Variants in GABRG1 observed in about 807,000 individuals in gnomAD.
The protein encoded by GABRG1 is gamma-aminobutyric acid type A receptor subunit gamma1.
In GABRG1, 49 loss-of-function variants were observed where a neutral mutation model predicts 49.8. That is an observed-to-expected ratio of 0.98 (90% CI 0.78 to 1.25). GABRG1 has a LOEUF of 1.25. Among genes scored for constraint, GABRG1 ranks in the 50% most tolerant of loss-of-function variants. The pLI is 0.00. For synonymous variants in GABRG1, 232 were observed against 185.1 expected (o/e 1.25, Z -2.06); for missense variants, 552 against 552.3 (o/e 1.00, Z 0.01).
At chr4:46,056,297 C>G (rs887300818) in intron 7 of GABRG1, among the ~76,000 whole-genome samples, 1 of 151,852 alleles carries the variant, frequency 6.6e-6, no homozygotes, top group South Asian at 2.1e-4. Context: ...ATTCATTCAG[C>G]TCCAACCACA....
At chr4:46,096,900 T>C (rs1720182495) in intron 2 of GABRG1, among the ~76,000 whole-genome samples, 1 of 151,810 alleles carries the variant, frequency 6.6e-6, no homozygotes, top group South Asian at 2.1e-4. Flanking sequence ...ATTCTGTATC[T>C]TATCTTTCAA....
chr4:46,042,877 TA>T (rs1717837134), intron 8 of GABRG1, among the ~76,000 whole-genome samples: 1 of 151,982 alleles, frequency 6.6e-6, no homozygotes, highest in South Asian at 2.1e-4. Context: ...AGTTCATGAT[TA>T]AACTTGCTTA....
intron 2 of GABRG1, among the ~76,000 whole-genome samples, chr4:46,089,669 A>T: frequency 6.6e-6 from 1 of 152,116 alleles, no homozygotes; most frequent in Non-Finnish European, 1.5e-5. Context: ...GTTGTTAAGA[A>T]GTAGGAAAAT....
chr4:46,064,380 T>C (rs1718827617), intron 5 of GABRG1, 61 bp downstream of exon 5: 1 of 896,460 alleles, frequency 1.1e-6, no homozygotes, highest in Admixed American at 2.8e-5. Flanking sequence ...TCTTTTCATT[T>C]TTAAATAAAC....
chr4:46,090,933 TACAC>T (rs34374380), intron 2 of GABRG1, among the ~76,000 whole-genome samples: 35 of 139,324 alleles, frequency 2.5e-4, no homozygotes, highest in African/African-American at 8.3e-4. Context: ...TTCCCTGGAA[TACAC>T]ACACACACAC....
intron 1 of GABRG1, among the ~76,000 whole-genome samples, chr4:46,114,729 A>G (rs1720832362): frequency 6.6e-6 from 1 of 151,060 alleles, no homozygotes; most frequent in Non-Finnish European, 1.5e-5. Context: ...ACATAACTAA[A>G]ACTATAACTG....
rs763936393 is a variant in GABRG1 at position 46,058,575 on chromosome 4, C to T, written c.673G>A (p.Val225Ile). The change falls in exon 6 of 9, where the codon GTA (valine) becomes ATA (isoleucine). Residue 225 changes from valine to isoleucine, a missense_variant. Physicochemically the swap from Val to Ile is conservative, Grantham distance 29. Transcript: ENST00000295452. ...EIEYKWKKPS[V>I]EVADPKYWRL... ...CAGTATTTAGGATCAGCCACTTCTACGGAGGGCTTTTTCCACTTATACTCA... is the reference window on the plus strand; with the variant it reads ...CAGTATTTAGGATCAGCCACTTCTATGGAGGGCTTTTTCCACTTATACTCA... 15 of 1,612,570 alleles carry T rather than the reference C, an allele frequency of 9.3e-6. No individual in the cohort carries two copies. The highest frequency in any genetic ancestry group is 1.6e-4 in the Middle Eastern group (1 of 6,076).
rs1720194658 is a variant in GABRG1 at position 46,097,223 on chromosome 4, A to G, written c.231T>C (p.Asn77=). ...TACCTCCTATATCTGGACGAAGTTT[A>G]TTGTCATAGCCTTGAAGCAATGAAT... ...ILNSLLQGYD[N]KLRPDIGVRP... is the part of the protein sequence containing the mutation. Residue 77 remains asparagine, a synonymous_variant, in exon 2 of 9, where the codon AAT becomes AAC. Transcript: ENST00000295452. The G allele has an allele frequency of 3.1e-6, 5 of 1,608,954 alleles. No individual in the cohort carries two copies. The East Asian group carries it at 1.1e-4, about 36-fold the overall frequency.
chr4:46,045,580 CA>C (rs1717963791), intron 8 of GABRG1, among the ~76,000 whole-genome samples: 1 of 146,536 alleles, frequency 6.8e-6, no homozygotes, highest in South Asian at 2.1e-4. Flanking sequence ...TGTAAAAAAA[CA>C]AGATGATGGA....
At chr4:46,117,006 C>T (rs116895402) in intron 1 of GABRG1, among the ~76,000 whole-genome samples, 1 of 150,300 alleles carries the variant, frequency 6.7e-6, no homozygotes, top group East Asian at 2.0e-4. Flanking sequence ...TGAATGATAT[C>T]CCTGTACTTA....
chr4:46,042,710 A>C (rs1717831927), intron 8 of GABRG1, among the ~76,000 whole-genome samples: 1 of 152,012 alleles, frequency 6.6e-6, no homozygotes, highest in African/African-American at 2.4e-5. Flanking sequence ...ATAGATTCCA[A>C]GTCACCAAAT....
chr4:46,123,704 G>A lies in GABRG1; in HGVS notation c.104+106C>T. 3 of 737,656 alleles carry A rather than the reference G, an allele frequency of 4.1e-6. No individual in the cohort carries two copies. The Admixed American group carries it at 7.7e-5, about 19-fold the overall frequency. The allele number at this position is 737,656 out of a possible 1,614,324, so 45.7% of individuals were successfully genotyped here. ...ATGGTAAATACCACATATGTGTTAG[G>A]AAATGCAAATTAATTACTTAAAGTG... On this transcript the variant is annotated intron_variant, in intron 1 of 8. Transcript: ENST00000295452.
intron 2 of GABRG1, among the ~76,000 whole-genome samples, chr4:46,092,508 G>A (rs1351995612): frequency 6.6e-6 from 1 of 151,778 alleles, no homozygotes; most frequent in Non-Finnish European, 1.5e-5. Context: ...TTCAAAAAAG[G>A]AAAGAATAGA....
Position 46,061,550 on chromosome 4 carries a change from T to C in GABRG1, c.625+2891A>G, listed in dbSNP as rs140433314. Among the ~76,000 whole-genome samples the C allele has an allele frequency of 3.2e-3, 494 of 152,230 alleles. 4 individuals carry two copies. The highest frequency in any genetic ancestry group is 0.031 in the Middle Eastern group (9 of 294). ...ATTTTACATATTTTTAAGATAATTGTATGTATCTAGAAAAATACTTTTATA... is the reference window on the plus strand; with the variant it reads ...ATTTTACATATTTTTAAGATAATTGCATGTATCTAGAAAAATACTTTTATA... On this transcript the variant is annotated intron_variant, in intron 5 of 8. Transcript: ENST00000295452.
chr4:46,107,365 A>C (rs947413438), intron 1 of GABRG1, among the ~76,000 whole-genome samples: 2 of 151,260 alleles, frequency 1.3e-5, no homozygotes, highest in Non-Finnish European at 3.0e-5. Context: ...ACAATGCTTT[A>C]TTTTTAACAT....
intron 7 of GABRG1, among the ~76,000 whole-genome samples, chr4:46,056,244 G>A (rs544551136): frequency 6.8e-6 from 1 of 146,264 alleles, no homozygotes; most frequent in South Asian, 2.3e-4. Context: ...AAATTTACCT[G>A]ATCTAACTAT....
chr4:46,073,213 T>A (rs1719203853), intron 3 of GABRG1, among the ~76,000 whole-genome samples: 1 of 152,024 alleles, frequency 6.6e-6, no homozygotes, highest in South Asian at 2.1e-4. Flanking sequence ...TTCATTTGCT[T>A]TCCAGATTCC....
In GABRG1 at chr4:46,106,499, C is replaced by T. The variant is rs751360452; in HGVS notation, c.105-9150G>A. On this transcript the variant is annotated intron_variant, in intron 1 of 8. Transcript: ENST00000295452. ...GACATTTTGCCATTGTTTTATTTTG[C>T]ATTGGTAGGAAATGAGCAGATTTAC... Among the ~76,000 whole-genome samples, 115 of 151,438 alleles carry T rather than the reference C, an allele frequency of 7.6e-4. 1 individual carries two copies. The highest frequency in any genetic ancestry group is 9.9e-4 in the Admixed American group (15 of 15,140).
intron 3 of GABRG1, among the ~76,000 whole-genome samples, chr4:46,071,935 A>T (rs1378498633): frequency 6.6e-6 from 1 of 152,096 alleles, no homozygotes; most frequent in Non-Finnish European, 1.5e-5. Context: ...CACAGTGTTT[A>T]TAAGGTCTAA....
Sources: gnomAD v4.1 joint callset for allele counts (sites outside exome capture counted in the v4.1 genomes callset) on GRCh38, gnomAD v4.1.1 for gene constraint, MANE v1.5 for transcripts, NCBI Gene and HGNC (gene_info 2026-07-23, HGNC 2026-07-21) for gene names.